ADAMTS12: variants seen among roughly 807,000 people sequenced by gnomAD.
ADAMTS12 encodes the protein A disintegrin and metalloproteinase with thrombospondin motifs 12.
In ADAMTS12, 118 loss-of-function variants were observed where a neutral mutation model predicts 167.8. That is an observed-to-expected ratio of 0.70 (90% confidence interval 0.61 to 0.82). ADAMTS12 has a LOEUF of 0.82. ADAMTS12 is among the 40% of genes least tolerant of loss of function. ADAMTS12 has a pLI of 0.00. For missense variants in ADAMTS12, 1,916 were observed against 1,998.8 expected (o/e 0.96, Z 0.79); for synonymous variants, 704 against 716.9 (o/e 0.98, Z 0.29).
chr5:33,771,324 A>C (rs548078772), intron 2 of ADAMTS12, among the ~76,000 whole-genome samples: 5 of 152,318 alleles, frequency 3.3e-5, no homozygotes, highest in African/African-American at 1.2e-4. Flanking sequence ...GTTTGGAAGG[A>C]GTATCATAGT....
At chr5:33,808,005 G>A (rs931677908) in intron 2 of ADAMTS12, among the ~76,000 whole-genome samples, 3 of 152,194 alleles carry the variant, frequency 2.0e-5, no homozygotes, top group African/African-American at 7.2e-5. Context: ...GCAGGATGAA[G>A]TTAGCAGTAG....
intron 5 of ADAMTS12, among the ~76,000 whole-genome samples, chr5:33,665,883 A>T (rs2112225798): frequency 6.6e-6 from 1 of 152,312 alleles, no homozygotes; most frequent in South Asian, 2.1e-4. Flanking sequence ...AGGCAGGAAA[A>T]TGGGTCTAGA....
intron 2 of ADAMTS12, among the ~76,000 whole-genome samples, chr5:33,861,985 A>T (rs888227826): frequency 6.6e-6 from 1 of 152,254 alleles, no homozygotes; most frequent in Non-Finnish European, 1.5e-5. Context: ...ACCAATGAGA[A>T]CAAAGACACA....
At chr5:33,847,050 G>C (rs1163601447) in intron 2 of ADAMTS12, among the ~76,000 whole-genome samples, 2 of 152,198 alleles carry the variant, frequency 1.3e-5, no homozygotes, top group Non-Finnish European at 2.9e-5. Flanking sequence ...TCAAGTTCCA[G>C]AAAGGGAAAA....
rs562138198 is a variant in ADAMTS12 at position 33,740,903 on chromosome 5, G to A, written c.634+10501C>T. 1.9e-4 allele frequency among the ~76,000 whole-genome samples: 29 copies of A among 152,304 alleles called. No individual in the cohort carries two copies. The South Asian group carries it at 4.6e-3, about 24-fold the overall frequency. On this transcript the variant is annotated intron_variant, in intron 3 of 23. Transcript: ENST00000504830. ...GAGGCCACGTCCCAGGCCCCAGCTC[G>A]TGCTCCACTGTCTCCTCAGACTTCA...
At chr5:33,551,990 G>A (rs566489083) in intron 20 of ADAMTS12, among the ~76,000 whole-genome samples, 1 of 152,186 alleles carries the variant, frequency 6.6e-6, no homozygotes, top group Non-Finnish European at 1.5e-5. Flanking sequence ...ACGACAAGAG[G>A]CAGGCTAATG....
At chr5:33,794,691 G>A (rs1746708148) in intron 2 of ADAMTS12, among the ~76,000 whole-genome samples, 1 of 152,232 alleles carries the variant, frequency 6.6e-6, no homozygotes, top group Non-Finnish European at 1.5e-5. Context: ...ACCAGCAGCA[G>A]CTGCCTGTTA....
intron 16 of ADAMTS12, among the ~76,000 whole-genome samples, chr5:33,607,087 C>A (rs1295794067): frequency 9.2e-5 from 14 of 151,784 alleles, no homozygotes; most frequent in Non-Finnish European, 1.9e-4. Flanking sequence ...GGTAATAAGC[C>A]AGGAATAGAA....
intron 3 of ADAMTS12, among the ~76,000 whole-genome samples, chr5:33,693,887 T>C (rs1742646790): frequency 6.6e-6 from 1 of 152,162 alleles, no homozygotes; most frequent in African/African-American, 2.4e-5. Context: ...TCTATCTCTG[T>C]TTGCAGATGA....
intron 23 of ADAMTS12, among the ~76,000 whole-genome samples, chr5:33,527,925 T>C (rs1324376007): frequency 6.6e-6 from 1 of 152,008 alleles, no homozygotes; most frequent in East Asian, 1.9e-4. Context: ...CAGCAAAAAA[T>C]ACATGACTGT....
chr5:33,867,378 ATG>A (rs1749861737), intron 2 of ADAMTS12, among the ~76,000 whole-genome samples: 1 of 152,206 alleles, frequency 6.6e-6, no homozygotes, highest in Admixed American at 6.5e-5. Context: ...CAAATACTGT[ATG>A]ACCTCACTTA....
chr5:33,800,130 A>G (rs563629451), intron 2 of ADAMTS12, among the ~76,000 whole-genome samples: 2 of 152,236 alleles, frequency 1.3e-5, no homozygotes, highest in East Asian at 3.9e-4. Flanking sequence ...TCTAACTTTC[A>G]CTCATTCAGT....
intron 2 of ADAMTS12, among the ~76,000 whole-genome samples, chr5:33,788,865 C>G (rs1746429254): frequency 6.6e-6 from 1 of 152,182 alleles, no homozygotes; most frequent in Non-Finnish European, 1.5e-5. Context: ...GTATCCCATC[C>G]TCTTTCGTTC....
intron 2 of ADAMTS12, among the ~76,000 whole-genome samples, chr5:33,861,996 A>G (rs1299357649): frequency 6.6e-6 from 1 of 152,214 alleles, no homozygotes; most frequent in South Asian, 2.1e-4. Context: ...CAAAGACACA[A>G]CATACCAGAA....
At chr5:33,879,293 CA>C (rs1750341986) in intron 2 of ADAMTS12, among the ~76,000 whole-genome samples, 1 of 152,022 alleles carries the variant, frequency 6.6e-6, no homozygotes, top group Non-Finnish European at 1.5e-5. Flanking sequence ...GCTCCCCATT[CA>C]ATGTGATGTT....
chr5:33,539,554 T>C (rs1485421748), intron 22 of ADAMTS12, among the ~76,000 whole-genome samples: 2 of 152,194 alleles, frequency 1.3e-5, no homozygotes, highest in Non-Finnish European at 2.9e-5. Flanking sequence ...TTTGATCTTT[T>C]CTCTTTTGAA....
At position 33,591,949 on chromosome 5, in the gene ADAMTS12, G is replaced by A. The variant is rs532268857; in HGVS notation, c.2655-3140C>T. On this transcript the variant is annotated intron_variant, in intron 17 of 23. Coordinates refer to ENST00000504830, the MANE Select transcript of ADAMTS12 (RefSeq NM_030955.4). Reference sequence around the variant, plus strand: ...CTATCCAGCCCAGTAAGCCAGGCGCGGTAGCTCACGCCTGTAATCCCAGCA... The same window carrying A: ...CTATCCAGCCCAGTAAGCCAGGCGCAGTAGCTCACGCCTGTAATCCCAGCA... Among the ~76,000 whole-genome samples, 3 of 152,144 alleles carry A rather than the reference G, an allele frequency of 2.0e-5. No individual in the cohort carries two copies. In the Middle Eastern group the frequency reaches 0.01, roughly 517 times the overall value.
chr5:33,836,300 GC>G (rs1465045929), intron 2 of ADAMTS12, among the ~76,000 whole-genome samples: 1 of 152,110 alleles, frequency 6.6e-6, no homozygotes, highest in Admixed American at 6.5e-5. Flanking sequence ...GTCCCAGGCA[GC>G]CCCGGACCTG....
In ADAMTS12 at chr5:33,616,593, G is replaced by A. The variant is rs74427971; in HGVS notation, c.2144-521C>T. On this transcript the variant is annotated intron_variant, in intron 14 of 23. Transcript: ENST00000504830. The stretch of plus-strand genomic sequence containing the variant: ...TCCTGGAGGGAATCTCAGATTGTTT[G>A]CCACCTGGCTATCTTGAATACAGCC... 4.8e-3 allele frequency among the ~76,000 whole-genome samples: 738 copies of A among 152,272 alleles called. 14 individuals are homozygous for A. The highest frequency in any genetic ancestry group is 0.037 in the Admixed American group (562 of 15,302).
Sources: allele counts gnomAD v4.1 joint callset (sites outside exome capture counted in the v4.1 genomes callset), GRCh38; gene constraint gnomAD v4.1.1; transcripts MANE v1.5; gene names NCBI Gene and HGNC (gene_info 2026-07-23, HGNC 2026-07-21).